Variants in LGR6 observed in about 807,000 individuals in gnomAD.
LGR6 encodes leucine rich repeat containing G protein-coupled receptor 6, also known as leucine-rich repeat-containing G protein-coupled receptor 6.
In LGR6, 45 loss-of-function variants were observed where a neutral mutation model predicts 69.4. That is an observed-to-expected ratio of 0.65 (90% CI 0.51 to 0.83). LGR6 has a LOEUF of 0.83. Ranked by LOEUF, LGR6 falls within the 40% of genes least tolerant of loss-of-function variation. The pLI is 0.00. For synonymous variants in LGR6, 538 were observed against 555.0 expected (o/e 0.97, Z 0.43); for missense variants, 1,108 against 1,246.7 (o/e 0.89, Z 1.68).
At chr1:202,314,755 C>T (rs750265173) in intron 16 of LGR6, 47 bp from the exon 17 acceptor site, 27 of 1,393,852 alleles carry the variant, frequency 1.9e-5, no homozygotes, top group East Asian at 4.6e-5. Flanking sequence ...TAGGGCTTGA[C>T]TGACACCAAG....
chr1:202,219,838 A>C (rs1247863556), intron 1 of LGR6, among the ~76,000 whole-genome samples: 2 of 152,206 alleles, frequency 1.3e-5, no homozygotes, highest in African/African-American at 2.4e-5. Flanking sequence ...ATTAATAATA[A>C]GGCATAGTTA....
chr1:202,276,172 T>A, intron 4 of LGR6, 134 bp from the exon 5 acceptor site: 1 of 669,830 alleles, frequency 1.5e-6, no homozygotes, highest in Non-Finnish European at 2.7e-6. Flanking sequence ...ACAGGATACA[T>A]GGTGGCCAAG....
chr1:202,204,707 A>G (rs1300077199), intron 1 of LGR6, among the ~76,000 whole-genome samples: 5 of 136,984 alleles, frequency 3.7e-5, no homozygotes, highest in African/African-American at 8.4e-5. Context: ...ACACACACAC[A>G]CACCTAACAC....
intron 1 of LGR6, among the ~76,000 whole-genome samples, chr1:202,214,616 T>C (rs1659642864): frequency 6.6e-6 from 1 of 152,164 alleles, no homozygotes; most frequent in African/African-American, 2.4e-5. Context: ...GGGAAGTAAC[T>C]TGATATTTCC....
rs141733316 is a variant in LGR6 at position 202,224,671 on chromosome 1, G to A, written c.213-752G>A. Among the ~76,000 whole-genome samples, 649 of 152,304 alleles carry A rather than the reference G, an allele frequency of 4.3e-3. 6 individuals are homozygous for A. Among genetic ancestry groups the A allele is most frequent in the African/African-American group, 0.015 (608 of 41,550 alleles). On this transcript the variant is annotated intron_variant, in intron 1 of 17. Transcript: ENST00000367278. ...CCCCTCGCATGCGCAGTTCACAGTAGGGTTCACACTCCTATGAGAATCTTT... is the reference window on the plus strand; with the variant it reads ...CCCCTCGCATGCGCAGTTCACAGTAAGGTTCACACTCCTATGAGAATCTTT...
In LGR6 at chr1:202,317,945, C is replaced by T. The variant is rs529394494; in HGVS notation, c.1649-7C>T. 7 of 1,599,238 alleles carry T rather than the reference C, an allele frequency of 4.4e-6. No individual in the cohort carries two copies. The Admixed American group carries it at 6.7e-5, about 15-fold the overall frequency. ...GGCCCAGGGTTAATGTCTGATCTCT[C>T]CTACAGGCCCCTTCAAGCCCTGTGA... On this transcript the variant is annotated splice_polypyrimidine_tract_variant and splice_region_variant and intron_variant, in intron 17 of 17. Coordinates refer to ENST00000367278, the MANE Select transcript of LGR6 (RefSeq NM_001017403.2).
intron 3 of LGR6, among the ~76,000 whole-genome samples, chr1:202,231,322 C>T (rs1012111227): frequency 1.3e-5 from 2 of 152,228 alleles, no homozygotes; most frequent in African/African-American, 2.4e-5. Flanking sequence ...AACTGACCCA[C>T]GAAGGGAAAT....
intron 1 of LGR6, among the ~76,000 whole-genome samples, chr1:202,222,656 T>C (rs1660247046): frequency 6.7e-6 from 1 of 149,872 alleles, no homozygotes; most frequent in Non-Finnish European, 1.5e-5. Flanking sequence ...GGGGGAGGAG[T>C]CCGATCTGGC....
chr1:202,225,506 C>T lies in LGR6; in HGVS notation c.284+12C>T, dbSNP rs751729477. The T allele has an allele frequency of 1.3e-5, 21 of 1,611,748 alleles. No homozygotes were observed. The highest frequency in any genetic ancestry group is 1.7e-5 in the Non-Finnish European group (20 of 1,177,972). On this transcript the variant is annotated intron_variant, in intron 2 of 17. Coordinates refer to ENST00000367278, the MANE Select transcript of LGR6 (RefSeq NM_001017403.2). ...TTCTTGGAGGAGCTGTGAGTAGATG[C>T]TTTGCAGGGTGGGAGGCAAGCATGG...
At chr1:202,236,358 G>C (rs1044056735) in intron 4 of LGR6, 2 of 292,612 alleles carry the variant, frequency 6.8e-6, no homozygotes, top group Admixed American at 9.7e-5. Flanking sequence ...ATCAGGAAGG[G>C]GTTGTCTCCT....
chr1:202,306,750 T>G (rs1352495467), intron 12 of LGR6, 118 bp from the exon 13 acceptor site: 2 of 948,740 alleles, frequency 2.1e-6, no homozygotes, highest in Non-Finnish European at 3.3e-6. Flanking sequence ...GCTGGGCCCT[T>G]TCTTCCTGTG....
intron 1 of LGR6, among the ~76,000 whole-genome samples, chr1:202,204,549 C>CACACACCTCCAAACACAA (rs1558003790): frequency 6.6e-6 from 1 of 150,932 alleles, no homozygotes; most frequent in Admixed American, 6.6e-5. Flanking sequence ...TTCAAACACA[C>CACACACCTCCAAACACAA]ACACACCTCC....
At chr1:202,244,967 A>G (rs1325622290) in intron 4 of LGR6, among the ~76,000 whole-genome samples, 1 of 152,198 alleles carries the variant, frequency 6.6e-6, no homozygotes, top group Non-Finnish European at 1.5e-5. Context: ...AGGGGCAACA[A>G]GGCCAGAGGT....
rs552815550 is a variant in LGR6, at chr1:202,307,231, G to A, written c.1209-99G>A. On this transcript the variant is annotated intron_variant, in intron 13 of 17. Transcript: ENST00000367278. ...AAAGGCAAAGGTTACTGTTACTGGGGGCAGGTCAGATGGGGGTATGTGAGG... is the reference window on the plus strand; with the variant it reads ...AAAGGCAAAGGTTACTGTTACTGGGAGCAGGTCAGATGGGGGTATGTGAGG... 44 of 1,150,614 alleles carry A rather than the reference G, an allele frequency of 3.8e-5. No homozygotes were observed. The African/African-American group carries it at 3.9e-4, about 10-fold the overall frequency. 71.3% of individuals were successfully genotyped at this position (1,150,614 alleles called of 1,614,324 possible).
chr1:202,223,858 C>G (rs1319037227), intron 1 of LGR6, among the ~76,000 whole-genome samples: 2 of 144,606 alleles, frequency 1.4e-5, no homozygotes, highest in South Asian at 2.2e-4. Flanking sequence ...GAAAAGGCAC[C>G]AGCCCCTCTC....
At chr1:202,234,620 A>C (rs1445422231) in intron 3 of LGR6, among the ~76,000 whole-genome samples, 1 of 152,176 alleles carries the variant, frequency 6.6e-6, no homozygotes, top group Non-Finnish European at 1.5e-5. Context: ...TTCAAAGCCT[A>C]GCTCTGTCAG....
chr1:202,260,343 TTA>T (rs1347221925), intron 4 of LGR6, among the ~76,000 whole-genome samples: 1 of 152,036 alleles, frequency 6.6e-6, no homozygotes, highest in East Asian at 1.9e-4. Flanking sequence ...CTGGACTATT[TTA>T]TTTTTTCAGA....
intron 5 of LGR6, among the ~76,000 whole-genome samples, chr1:202,277,124 C>T (rs1665623065): frequency 6.6e-6 from 1 of 152,148 alleles, no homozygotes; most frequent in Non-Finnish European, 1.5e-5. Context: ...TTGGTAAGTT[C>T]ATAGGGTAAT....
rs114603896 is a variant in LGR6 at position 202,293,254 on chromosome 1, T to C, written c.717-4254T>C. On this transcript the variant is annotated intron_variant, in intron 6 of 17. Transcript: ENST00000367278. ...GCTCCAACCAAGCGATATTGCTTGC[T>C]CTTTTCCAAACACGACTCCACAGCA... Among the ~76,000 whole-genome samples, 710 of 152,324 alleles carry C rather than the reference T, an allele frequency of 4.7e-3. 8 individuals are homozygous for C. Among genetic ancestry groups the C allele is most frequent in the Non-Finnish European group, 7.7e-3 (527 of 68,030 alleles).
Sources: allele counts gnomAD v4.1 joint callset (sites outside exome capture counted in the v4.1 genomes callset), GRCh38; gene constraint gnomAD v4.1.1; transcripts MANE v1.5; gene names NCBI Gene and HGNC (gene_info 2026-07-23, HGNC 2026-07-21).